The following ANTXR1 variants were observed in gnomAD, a reference collection of about 807,000 sequenced individuals.
ANTXR1 encodes anthrax toxin receptor 1.
A neutral mutation model predicts 78.1 loss-of-function variants in ANTXR1; 19 were observed. The ratio of observed to expected loss-of-function variants is 0.24; its 90% CI spans 0.17 to 0.36. The LOEUF is 0.36. Among genes scored for constraint, ANTXR1 ranks in the 10% least tolerant of loss-of-function variants. The pLI, the probability that ANTXR1 is intolerant of heterozygous loss-of-function variation, is 1.00. For synonymous variants in ANTXR1, 273 were observed against 260.5 expected, an observed-to-expected ratio of 1.05 and a Z score of -0.46; for missense variants, 518 against 718.6, an observed-to-expected ratio of 0.72 and a Z score of 3.19.
chr2:69,182,594 G>C lies in ANTXR1; in HGVS notation c.1287G>C (p.Glu429Asp), dbSNP rs746048321. The C allele has an allele frequency of 6.2e-7, 1 of 1,614,196 alleles. No homozygotes were observed. The highest frequency in any genetic ancestry group is 8.5e-7 in the Non-Finnish European group (1 of 1,180,050). ...KMPEQEYEFPEPRNLNNNMRR... is the reference protein window; with the variant it reads ...KMPEQEYEFPDPRNLNNNMRR... ...CGGAGCAGGAATATGAATTCCCTGA[G>C]CCGCGAAATCTCAACAACAATATGC... Residue 429 changes from glutamate (E) to aspartate (D), a missense_variant, in exon 16 of 18, where the codon GAG becomes GAC. By Grantham distance (45) the Glu-to-Asp change is conservative. Coordinates refer to ENST00000303714, the MANE Select transcript of ANTXR1 (RefSeq NM_032208.3).
Position 69,245,404 on chromosome 2 carries a change from C to A in ANTXR1, c.1614C>A (p.Ser538=). The change falls in exon 18 of 18, where the codon TCC becomes TCA. Residue 538 remains serine, a synonymous_variant. Transcript: ENST00000303714. The part of the protein sequence containing the change: ...APTPPIPSPP[S]TLPPPPQAPP... ...CCCCTCCCATCCCGTCCCCACCTTC[C>A]ACCCTTCCCCCTCCTCCCCAGGCTC... 6.4e-7 allele frequency: 1 copy of A among 1,565,930 alleles called. No homozygotes were observed. Among genetic ancestry groups the A allele is most frequent in the Non-Finnish European group, 8.7e-7 (1 of 1,155,098 alleles).
chr2:69,088,498 A>G (rs77764791), intron 8 of ANTXR1, among the ~76,000 whole-genome samples: 6,358 of 152,134 alleles, frequency 0.042, 440 homozygotes, highest in African/African-American at 0.14. Flanking sequence ...GGCTACCTCT[A>G]TTTCTCAAAT....
At chr2:69,044,684 A>G in intron 2 of ANTXR1, 58 bp from the exon 3 acceptor site, 1 of 1,559,796 alleles carries the variant, frequency 6.4e-7, no homozygotes, top group Non-Finnish European at 8.8e-7. Flanking sequence ...GGGAGCCTGA[A>G]GGGAGTGGCA....
intron 3 of ANTXR1, among the ~76,000 whole-genome samples, chr2:69,067,163 G>T (rs1350192354): frequency 6.6e-6 from 1 of 152,132 alleles, no homozygotes. Context: ...ATGGGGCCAT[G>T]TGTTATTTGA....
In ANTXR1 at chr2:69,248,373, T is replaced by C. The variant is rs998759665; in HGVS notation, c.*2888T>C. The C allele has an allele frequency of 1.2e-5, 2 of 162,228 alleles. No homozygotes were observed. The highest frequency in any genetic ancestry group is 2.9e-5 in the Non-Finnish European group (2 of 68,118). 10.0% of individuals were successfully genotyped at this position (162,228 alleles called of 1,614,324 possible). On this transcript the variant is annotated 3_prime_UTR_variant, in exon 18 of 18. Transcript: ENST00000303714. ...GGTTATTCTACCAAGCTGTGCTTGT[T>C]GGTTTTTCCCATGACTGTATTGCTT...
At chr2:69,098,109 G>C (rs957244877) in intron 9 of ANTXR1, among the ~76,000 whole-genome samples, 15 of 152,166 alleles carry the variant, frequency 9.9e-5, no homozygotes, top group African/African-American at 3.6e-4. Context: ...TGGGAGGAGA[G>C]ATTACAAAGC....
chr2:69,186,047 T>C (rs1674408537), intron 16 of ANTXR1, among the ~76,000 whole-genome samples: 2 of 152,116 alleles, frequency 1.3e-5, no homozygotes, highest in Admixed American at 1.3e-4. Context: ...CAGCTATGCT[T>C]TGAATCCCCA....
intron 17 of ANTXR1, among the ~76,000 whole-genome samples, chr2:69,206,418 A>T (rs1674904289): frequency 1.3e-5 from 2 of 152,332 alleles, no homozygotes; most frequent in South Asian, 4.1e-4. Flanking sequence ...TTAGTGGTAT[A>T]ACTAGTAAAA....
chr2:69,100,834 A>G (rs1483164968), intron 9 of ANTXR1, among the ~76,000 whole-genome samples: 3 of 152,216 alleles, frequency 2.0e-5, no homozygotes, highest in African/African-American at 7.2e-5. Context: ...TGAGCCAACC[A>G]AGGAATCTGT....
intron 17 of ANTXR1, among the ~76,000 whole-genome samples, chr2:69,244,554 G>A (rs1255051865): frequency 1.3e-5 from 2 of 152,112 alleles, no homozygotes; most frequent in African/African-American, 2.4e-5. Context: ...ATTCATTACC[G>A]GGAACAAGTG....
intron 3 of ANTXR1, among the ~76,000 whole-genome samples, chr2:69,057,932 C>T (rs750740381): frequency 1.3e-5 from 2 of 152,202 alleles, no homozygotes; most frequent in Admixed American, 6.5e-5. Flanking sequence ...GCCTTATTGC[C>T]GATTTTAGTG....
chr2:69,072,878 T>C lies in ANTXR1; in HGVS notation c.413-144T>C, dbSNP rs957642918. The C allele has an allele frequency of 7.2e-6, 6 of 833,184 alleles. No homozygotes were observed. In the African/African-American group the frequency reaches 8.3e-5, roughly 12 times the overall value. 51.6% of individuals were successfully genotyped at this position (833,184 alleles called of 1,614,324 possible). On this transcript the variant is annotated intron_variant, in intron 5 of 17. Coordinates refer to ENST00000303714, the MANE Select transcript of ANTXR1 (RefSeq NM_032208.3). ...GGATCCTTCTTCATGCTGGAGTTGC[T>C]TCCAGGCCCAAAAGAAAAGTTGGTG...
At position 69,013,674 on chromosome 2, in the gene ANTXR1, C is replaced by G. The variant is rs538346948; in HGVS notation, c.152+23C>G. ...CAAGTAAGTGCCGCGAGTTGTCCCC[C>G]CCACCCCAGGCTAAGCGGGCGAAAA... is the stretch of plus-strand genomic sequence containing the variant. On this transcript the variant is annotated intron_variant, in intron 1 of 17. Coordinates refer to ENST00000303714, the MANE Select transcript of ANTXR1 (RefSeq NM_032208.3). The surrounding 1 kb of genome is among the most constrained non-coding windows in gnomAD (Gnocchi z 5.0). 218 of 1,551,554 alleles carry G rather than the reference C, an allele frequency of 1.4e-4. No individual in the cohort carries two copies. The highest frequency in any genetic ancestry group is 1.2e-3 in the South Asian group (105 of 84,066).
At chr2:69,017,633 G>T (rs994707634) in intron 1 of ANTXR1, among the ~76,000 whole-genome samples, 1 of 152,180 alleles carries the variant, frequency 6.6e-6, no homozygotes, top group African/African-American at 2.4e-5. Context: ...ATTATTAGTG[G>T]CTTTGGCGAC....
chr2:69,066,982 C>T (rs1470637258), intron 3 of ANTXR1, among the ~76,000 whole-genome samples: 2 of 152,080 alleles, frequency 1.3e-5, no homozygotes, highest in African/African-American at 4.8e-5. Flanking sequence ...CTTATCATCC[C>T]CTAAAAGATC....
intron 8 of ANTXR1, among the ~76,000 whole-genome samples, chr2:69,077,862 T>C (rs972120796): frequency 2.0e-5 from 3 of 152,226 alleles, no homozygotes; most frequent in Non-Finnish European, 4.4e-5. Context: ...CTTGGACTTA[T>C]ATCACTTGGC....
At chr2:69,123,634 T>A (rs1254083697) in intron 11 of ANTXR1, among the ~76,000 whole-genome samples, 1 of 152,186 alleles carries the variant, frequency 6.6e-6, no homozygotes, top group Non-Finnish European at 1.5e-5. Context: ...CAGCATCGGA[T>A]GTTCACCCAG....
rs193003977 is a variant in ANTXR1, at chr2:69,187,275, T to C, written c.1353+4615T>C. On this transcript the variant is annotated intron_variant, in intron 16 of 17. Coordinates refer to ENST00000303714, the MANE Select transcript of ANTXR1 (RefSeq NM_032208.3). ...TTCCAGACTCATGATCGGGAAATTT[T>C]CCCTGATATTTAGCCTGCATTTTCC... is the stretch of plus-strand genomic sequence containing the variant. Among the ~76,000 whole-genome samples the C allele has an allele frequency of 1.0e-3, 159 of 152,264 alleles. 1 individual carries two copies. Among genetic ancestry groups the C allele is most frequent in the African/African-American group, 3.6e-3 (149 of 41,550 alleles).
chr2:69,240,913 C>A lies in ANTXR1; in HGVS notation c.1435-4312C>A, dbSNP rs922678252. On this transcript the variant is annotated intron_variant, in intron 17 of 17. Coordinates refer to ENST00000303714, the MANE Select transcript of ANTXR1 (RefSeq NM_032208.3). ...TGGACGTTTCAAATAGTCCTCCCAC[C>A]ACCATTAGATACACCCAAATCAAAA... Among the ~76,000 whole-genome samples, 4 of 152,162 alleles carry A rather than the reference C, an allele frequency of 2.6e-5. No individual in the cohort carries two copies. In the South Asian group the frequency reaches 6.2e-4, roughly 24 times the overall value.
Sources: allele counts gnomAD v4.1 joint callset (sites outside exome capture counted in the v4.1 genomes callset), GRCh38; gene constraint gnomAD v4.1.1; non-coding constraint Gnocchi (gnomAD v3.1); transcripts MANE v1.5; gene names NCBI Gene and HGNC (gene_info 2026-07-23, HGNC 2026-07-21).